CDH13: variants seen among roughly 807,000 people sequenced by gnomAD.
CDH13 encodes the protein cadherin-13.
In CDH13, 24 loss-of-function variants were observed where a neutral mutation model predicts 63.8. The observed-to-expected ratio is 0.38, with a 90% confidence interval of 0.27 to 0.53. The LOEUF is 0.53. CDH13 is among the 20% of genes least tolerant of loss of function. The pLI, the probability that CDH13 is intolerant of heterozygous loss-of-function variation, is 0.85. For missense variants in CDH13, 1,049 were observed against 903.1 expected (o/e 1.16, Z -2.07); for synonymous variants, 503 against 355.3 (o/e 1.42, Z -4.67).
chr16:83,726,690 T>C (rs1372814963), intron 10 of CDH13, among the ~76,000 whole-genome samples: 1 of 152,000 alleles, frequency 6.6e-6, no homozygotes, highest in African/African-American at 2.4e-5. Flanking sequence ...AAAAAAAAAT[T>C]AGCCGAGCGT....
chr16:83,302,531 A>G lies in CDH13; in HGVS notation c.637-42331A>G, dbSNP rs182401387. On this transcript the variant is annotated intron_variant, in intron 5 of 13. Coordinates refer to ENST00000567109, the MANE Select transcript of CDH13 (RefSeq NM_001257.5). ...AAATATCATGAAAGTCACAACATAA[A>G]TGTCCTCTCACTTCTTATCCCTTAA... Among the ~76,000 whole-genome samples the G allele has an allele frequency of 1.6e-3, 249 of 152,326 alleles. 1 individual carries two copies. Among genetic ancestry groups the G allele is most frequent in the African/African-American group, 5.5e-3 (229 of 41,568 alleles).
At chr16:83,078,245 T>C (rs1178466893) in intron 3 of CDH13, among the ~76,000 whole-genome samples, 1 of 152,162 alleles carries the variant, frequency 6.6e-6, no homozygotes, top group Non-Finnish European at 1.5e-5. Flanking sequence ...GCTACTGTTG[T>C]CATGAACTCT....
intron 2 of CDH13, among the ~76,000 whole-genome samples, chr16:82,951,362 G>A (rs1485454007): frequency 6.6e-6 from 1 of 152,186 alleles, no homozygotes; most frequent in Non-Finnish European, 1.5e-5. Context: ...CCTATAAGGT[G>A]TTCTGTCCTG....
intron 4 of CDH13, among the ~76,000 whole-genome samples, chr16:83,194,693 A>G (rs1043537213): frequency 2.0e-5 from 3 of 152,232 alleles, no homozygotes; most frequent in African/African-American, 7.2e-5. Flanking sequence ...AAAACATTCT[A>G]GTAGCAAATA....
chr16:83,177,932 G>C (rs2038193618), intron 4 of CDH13, among the ~76,000 whole-genome samples: 1 of 152,156 alleles, frequency 6.6e-6, no homozygotes. Context: ...TGTATTCCCA[G>C]TGCTAAACAT....
In CDH13 at chr16:83,429,831, A is replaced by G. The variant is rs558645190; in HGVS notation, c.782-56646A>G. Among the ~76,000 whole-genome samples the G allele has an allele frequency of 2.0e-5, 3 of 152,328 alleles. No individual in the cohort carries two copies. In the South Asian group the frequency reaches 6.2e-4, roughly 32 times the overall value. ...CCTCTTAACAAATATTTTTGAGTAG[A>G]CAATCCATTATTGTGTACACAAGCT... On this transcript the variant is annotated intron_variant, in intron 6 of 13. Transcript: ENST00000567109.
At chr16:83,027,232 C>T (rs1450767312) in intron 2 of CDH13, among the ~76,000 whole-genome samples, 1 of 151,384 alleles carries the variant, frequency 6.6e-6, no homozygotes, top group African/African-American at 2.4e-5. Flanking sequence ...CTGTTCATTG[C>T]TGAAGATGTA....
rs1367182123 is a variant in CDH13 at position 82,750,723 on chromosome 16, C to G, written c.46-107639C>G. Among the ~76,000 whole-genome samples, 4 of 152,154 alleles carry G rather than the reference C, an allele frequency of 2.6e-5. No individual in the cohort carries two copies. The East Asian group carries it at 7.7e-4, about 29-fold the overall frequency. ...TTGGACAGAACAGTAAGGAGAAATT[C>G]TCTAAGTCCACCTGGAGCTTATTAA... On this transcript the variant is annotated intron_variant, in intron 1 of 13. Coordinates refer to ENST00000567109, the MANE Select transcript of CDH13 (RefSeq NM_001257.5).
chr16:83,380,549 AT>A (rs2091544098), intron 6 of CDH13, among the ~76,000 whole-genome samples: 1 of 152,220 alleles, frequency 6.6e-6, no homozygotes, highest in Non-Finnish European at 1.5e-5. Flanking sequence ...ATTTCTTTTT[AT>A]CACATAAAAG....
chr16:83,759,471 C>A (rs903169913), intron 11 of CDH13, among the ~76,000 whole-genome samples: 1 of 151,764 alleles, frequency 6.6e-6, no homozygotes, highest in Non-Finnish European at 1.5e-5. Context: ...CATATATGTC[C>A]TTTGTGTAAG....
At chr16:82,858,267 C>T (rs2039784030) in intron 1 of CDH13, 95 bp from the exon 2 acceptor site, 4 of 725,760 alleles carry the variant, frequency 5.5e-6, no homozygotes, top group South Asian at 3.6e-5. Context: ...GAAATCAAAA[C>T]CTCAGCTTGT....
intron 6 of CDH13, among the ~76,000 whole-genome samples, chr16:83,465,475 G>A (rs1466638548): frequency 6.6e-6 from 1 of 152,202 alleles, no homozygotes; most frequent in African/African-American, 2.4e-5. Flanking sequence ...TTCCAGGAGA[G>A]TGGGTAACAG....
chr16:83,552,686 T>G (rs2075528001), intron 7 of CDH13, among the ~76,000 whole-genome samples: 1 of 152,184 alleles, frequency 6.6e-6, no homozygotes, highest in Non-Finnish European at 1.5e-5. Context: ...GCATCTTAAA[T>G]GAATTTGTCA....
chr16:83,616,245 A>AT (rs1006305314), intron 8 of CDH13, among the ~76,000 whole-genome samples: 1 of 152,176 alleles, frequency 6.6e-6, no homozygotes, highest in Non-Finnish European at 1.5e-5. Context: ...AAACATCTGG[A>AT]TTTTTAAGTG....
chr16:83,451,712 C>T (rs1267109803), intron 6 of CDH13, among the ~76,000 whole-genome samples: 1 of 152,100 alleles, frequency 6.6e-6, no homozygotes, highest in East Asian at 1.9e-4. Flanking sequence ...GAGACGAGGT[C>T]CCACTATATT....
intron 3 of CDH13, among the ~76,000 whole-genome samples, chr16:83,040,812 CTG>C (rs1325081145): frequency 6.6e-6 from 1 of 152,198 alleles, no homozygotes; most frequent in Non-Finnish European, 1.5e-5. Flanking sequence ...TCACAACAAA[CTG>C]GAGTTATTCA....
chr16:83,215,673 C>A (rs1319863864), intron 4 of CDH13, among the ~76,000 whole-genome samples: 1 of 151,870 alleles, frequency 6.6e-6, no homozygotes, highest in East Asian at 1.9e-4. Context: ...CGGGCAGGAC[C>A]CATTTTGATT....
At chr16:83,679,406 G>A (rs536472731) in intron 10 of CDH13, among the ~76,000 whole-genome samples, 79 of 152,194 alleles carry the variant, frequency 5.2e-4, no homozygotes, top group Non-Finnish European at 9.6e-4. Context: ...AAACGAACAT[G>A]TGTCTGATTT....
At chr16:83,672,916 A>G (rs978546735) in intron 9 of CDH13, among the ~76,000 whole-genome samples, 4 of 152,210 alleles carry the variant, frequency 2.6e-5, no homozygotes, top group African/African-American at 9.6e-5. Flanking sequence ...TGGCTATGTC[A>G]TTCTATGACT....
Sources: allele counts gnomAD v4.1 joint callset (sites outside exome capture counted in the v4.1 genomes callset), GRCh38; gene constraint gnomAD v4.1.1; transcripts MANE v1.5; gene names NCBI Gene and HGNC (gene_info 2026-07-23, HGNC 2026-07-21).